Variants in MID1 observed in about 807,000 individuals in gnomAD.
The protein encoded by MID1 is E3 ubiquitin-protein ligase Midline-1.
A neutral mutation model predicts 40.4 loss-of-function variants in MID1; 7 were observed. The ratio of observed to expected loss-of-function variants is 0.17; its 90% CI spans 0.10 to 0.33. The LOEUF is 0.33. MID1 is among the 10% of genes least tolerant of loss of function. MID1 has a pLI of 1.00. For missense variants in MID1, 367 were observed against 558.5 expected (o/e 0.66, Z 3.46); for synonymous variants, 229 against 221.2 (o/e 1.04, Z -0.31).
chrX:10,479,077 C>A (rs1472687399), intron 5 of MID1, among the ~76,000 whole-genome samples: 1 of 112,187 alleles, frequency 8.9e-6, no homozygotes, highest in African/African-American at 3.2e-5. Flanking sequence ...AACAGAGATC[C>A]AACTAACACT....
chrX:10,618,890 C>G (rs1721728457), intron 1 of MID1, among the ~76,000 whole-genome samples: 2 of 111,893 alleles, frequency 1.8e-5, no homozygotes, highest in Admixed American at 1.9e-4. Context: ...TTGCGTTCCT[C>G]TTTTTCCTTT....
At chrX:10,659,261 C>T (rs988480149) in intron 1 of MID1, among the ~76,000 whole-genome samples, 1 of 111,766 alleles carries the variant, frequency 8.9e-6, no homozygotes, top group Admixed American at 9.5e-5. Context: ...TTTTTTATTA[C>T]CAGCTCATCA....
chrX:10,592,335 G>T (rs1336546565), intron 1 of MID1, among the ~76,000 whole-genome samples: 5 of 96,632 alleles, frequency 5.2e-5, no homozygotes, highest in South Asian at 5.9e-4. Context: ...TATTTGAGGG[G>T]TTTTTTTCTC....
intron 1 of MID1, among the ~76,000 whole-genome samples, chrX:10,602,559 G>T (rs1390928321): frequency 9.0e-6 from 1 of 111,381 alleles, no homozygotes. Flanking sequence ...AATATAAAAA[G>T]ATCATACAAT....
At chrX:10,540,873 A>C (rs144333110) in intron 2 of MID1, among the ~76,000 whole-genome samples, 402 of 112,372 alleles carry the variant, frequency 3.6e-3, no homozygotes, top group South Asian at 0.014. Context: ...TGCTAAAGAA[A>C]TGGGCAGGTA....
At position 10,523,192 on chromosome X, in the gene MID1, TCA is replaced by T. The variant is rs1491442309; in HGVS notation, c.661-7_661-6del. 4 of 977,148 alleles carry T rather than the reference TCA, an allele frequency of 4.1e-6. No individual in the cohort carries two copies. The highest frequency in any genetic ancestry group is 3.1e-5 in the Admixed American group (1 of 32,412). The allele number at this position is 977,148 out of a possible 1,213,427, so 80.5% of individuals were successfully genotyped here. A position where few individuals can be genotyped will look rare whatever the true frequency, so the allele number is the denominator to read the frequency against. ...GAGGTTACTCTCTAAGTTTTGCTGT[TCA>T]AAAAAAAAAAAAAAAGAGGAAAAAT... On this transcript the variant is annotated splice_region_variant and splice_polypyrimidine_tract_variant and intron_variant, in intron 2 of 9. Coordinates refer to ENST00000317552, the MANE Select transcript of MID1 (RefSeq NM_000381.4).
chrX:10,748,790 C>T (rs1393492538), intron 1 of MID1, among the ~76,000 whole-genome samples: 1 of 111,318 alleles, frequency 9.0e-6, no homozygotes, highest in African/African-American at 3.3e-5. Flanking sequence ...GGGGTCTGAC[C>T]TCTAGTACTT....
At chrX:10,669,807 C>T (rs2042977180) in intron 1 of MID1, among the ~76,000 whole-genome samples, 1 of 112,220 alleles carries the variant, frequency 8.9e-6, no homozygotes, top group Non-Finnish European at 1.9e-5. Flanking sequence ...ATCTTTAAGG[C>T]AAGCTGTAGA....
At position 10,482,477 on chromosome X, in the gene MID1, C is replaced by A; in HGVS notation, c.1013+3G>T. 8.3e-7 allele frequency: 1 copy of A among 1,210,289 alleles called. No homozygotes were observed. Among genetic ancestry groups the A allele is most frequent in the Non-Finnish European group, 1.1e-6 (1 of 895,291 alleles). On this transcript the variant is annotated splice_donor_region_variant and intron_variant, in intron 5 of 9. Coordinates refer to ENST00000317552, the MANE Select transcript of MID1 (RefSeq NM_000381.4). ...AGAAATTCCCAGGGGCCCCTGCACT[C>A]ACCTCTCGGTGATATTCTTAGCAGT...
intron 1 of MID1, among the ~76,000 whole-genome samples, chrX:10,696,484 C>T (rs1417982243): frequency 2.7e-5 from 3 of 111,426 alleles, no homozygotes; most frequent in African/African-American, 9.8e-5. Flanking sequence ...TTCATTCCTG[C>T]TCTAAAACAT....
intron 1 of MID1, among the ~76,000 whole-genome samples, chrX:10,615,568 GT>G (rs2147539110): frequency 9.0e-6 from 1 of 111,601 alleles, no homozygotes; most frequent in East Asian, 2.8e-4. Context: ...GGTCTGGTTT[GT>G]TTTTTCAGGA....
At chrX:10,454,484 A>G (rs1378263549) in intron 9 of MID1, among the ~76,000 whole-genome samples, 1 of 105,915 alleles carries the variant, frequency 9.4e-6, no homozygotes, top group African/African-American at 4.0e-5. Context: ...GACTATATGT[A>G]AAAAAATGGA....
intron 1 of MID1, among the ~76,000 whole-genome samples, chrX:10,613,766 G>GAGAGAGAGAGAGAGAC (rs1555910257): frequency 2.6e-5 from 2 of 75,768 alleles, no homozygotes; most frequent in African/African-American, 6.2e-5. Context: ...GAGAGAGAGA[G>GAGAGAGAGAGAGAGAC]AGACAGACAG....
chrX:10,715,266 C>T (rs780980985), intron 1 of MID1, among the ~76,000 whole-genome samples: 77 of 112,383 alleles, frequency 6.9e-4, no homozygotes, highest in Non-Finnish European at 1.1e-3. Flanking sequence ...ACCCGGGAAG[C>T]GCAAGGGGTT....
intron 1 of MID1, among the ~76,000 whole-genome samples, chrX:10,784,119 G>A: frequency 9.0e-6 from 1 of 111,653 alleles, no homozygotes; most frequent in Non-Finnish European, 1.9e-5. Context: ...ATACATGAAA[G>A]TAACCACACC....
chrX:10,546,465 A>G (rs1181041968), intron 2 of MID1, among the ~76,000 whole-genome samples: 4 of 111,892 alleles, frequency 3.6e-5, no homozygotes, highest in Non-Finnish European at 5.6e-5. Flanking sequence ...TCTTCTTTAT[A>G]GCTGTTTTCT....
In MID1 at chrX:10,673,988, T is replaced by G. The variant is rs369268188; in HGVS notation, c.-186-53569A>C. ...CATTATTGCAAATTATGTGTATTATTATGATATATCAAAACATTTAACAAA... is the reference window on the plus strand; with the variant it reads ...CATTATTGCAAATTATGTGTATTATGATGATATATCAAAACATTTAACAAA... On this transcript the variant is annotated intron_variant, in intron 1 of 10. Coordinates refer to the MID1 transcript ENST00000380785. Among the ~76,000 whole-genome samples the G allele has an allele frequency of 2.3e-4, 26 of 111,739 alleles. No individual in the cohort carries two copies. In the East Asian group the frequency reaches 5.8e-3, roughly 25 times the overall value.
chrX:10,558,260 T>C (rs1934201516), intron 2 of MID1, among the ~76,000 whole-genome samples: 1 of 111,438 alleles, frequency 9.0e-6, no homozygotes, highest in Non-Finnish European at 1.9e-5. Context: ...TCTTGCCTAT[T>C]CCTACCGACA....
At chrX:10,529,719 T>G (rs1691981411) in intron 2 of MID1, among the ~76,000 whole-genome samples, 1 of 111,937 alleles carries the variant, frequency 8.9e-6, no homozygotes, top group Non-Finnish European at 1.9e-5. Flanking sequence ...TTGCCTGGAA[T>G]GCATGTGTGT....
Sources: gnomAD v4.1 joint callset for allele counts (sites outside exome capture counted in the v4.1 genomes callset) on GRCh38, gnomAD v4.1.1 for gene constraint, MANE v1.5 for transcripts, NCBI Gene and HGNC (gene_info 2026-07-23, HGNC 2026-07-21) for gene names.